FAM222A: variants seen among roughly 807,000 people sequenced by gnomAD.
The protein encoded by FAM222A is family with sequence similarity 222 member A.
Under a neutral mutation model 25.8 loss-of-function variants are expected in FAM222A, and 7 were observed. The observed-to-expected ratio is 0.27, with a 90% CI of 0.15 to 0.51. FAM222A has a LOEUF of 0.51. FAM222A is among the 20% of genes least tolerant of loss of function. The pLI, the probability that FAM222A is intolerant of heterozygous loss-of-function variation, is 0.97. For missense variants in FAM222A, 573 were observed against 640.5 expected, an observed-to-expected ratio of 0.89 and a Z score of 1.14; for synonymous variants, 294 against 298.8, an observed-to-expected ratio of 0.98 and a Z score of 0.17.
chr12:109,740,698 C>T (rs1888216206), intron 1 of FAM222A, among the ~76,000 whole-genome samples: 2 of 152,182 alleles, frequency 1.3e-5, no homozygotes, highest in South Asian at 2.1e-4. Context: ...TTCATTGATT[C>T]GGCCATTCAT....
chr12:109,756,445 T>C (rs1888734029), intron 2 of FAM222A, among the ~76,000 whole-genome samples: 1 of 150,926 alleles, frequency 6.6e-6, no homozygotes, highest in South Asian at 2.1e-4. Context: ...TAGTACAATA[T>C]TGAATAGGAG....
chr12:109,739,783 C>T (rs1249507421), intron 1 of FAM222A, among the ~76,000 whole-genome samples: 2 of 152,218 alleles, frequency 1.3e-5, no homozygotes, highest in Non-Finnish European at 2.9e-5. Flanking sequence ...CTGGCATTGG[C>T]ATCCTTGGGC....
At chr12:109,762,512 C>T (rs896607320) in intron 2 of FAM222A, among the ~76,000 whole-genome samples, 2 of 152,240 alleles carry the variant, frequency 1.3e-5, no homozygotes, top group Non-Finnish European at 2.9e-5. Flanking sequence ...GCCCCCTCCC[C>T]ACCATCCTTG....
intron 1 of FAM222A, among the ~76,000 whole-genome samples, chr12:109,739,655 C>A (rs1888182007): frequency 6.6e-6 from 1 of 152,180 alleles, no homozygotes; most frequent in African/African-American, 2.4e-5. Context: ...TGGATTTGGG[C>A]CCTGGGGAGA....
chr12:109,714,219 TGCC>T lies in FAM222A; in HGVS notation c.-716_-714del. On this transcript the variant is annotated 5_prime_UTR_variant, in exon 1 of 3. Transcript: ENST00000538780. This position sits in a 1 kb window ranked among gnomAD's most constrained non-coding sequence, Gnocchi z 4.2. ...CGCCCGCTGCCGCCGCCGCCGCCGC[TGCC>T]GCCGCCGCTGTTCGCCGGCTTCCCC... is the stretch of plus-strand genomic sequence containing the variant. 16 of 184,578 alleles carry T rather than the reference TGCC, an allele frequency of 8.7e-5. No individual in the cohort carries two copies. The highest frequency in any genetic ancestry group is 2.4e-4 in the South Asian group (4 of 16,474). The allele number at this position is 184,578 out of a possible 1,614,324, so 11.4% of individuals were successfully genotyped here.
At position 109,769,295 on chromosome 12, in the gene FAM222A, C is replaced by T. The variant is rs554087178; in HGVS notation, c.*7C>T. ...CCTACCCGTCTACAGATAAGGCCTG[C>T]CCTGCGGACATACGGACATGCGGAC... is the stretch of plus-strand genomic sequence containing the variant. On this transcript the variant is annotated 3_prime_UTR_variant, in exon 3 of 3. Coordinates refer to ENST00000538780, the MANE Select transcript of FAM222A (RefSeq NM_032829.3). 5 of 1,603,048 alleles carry T rather than the reference C, an allele frequency of 3.1e-6. No individual in the cohort carries two copies. In the South Asian group the frequency reaches 4.5e-5, roughly 14 times the overall value.
chr12:109,765,102 C>T (rs1313805546), intron 2 of FAM222A, among the ~76,000 whole-genome samples: 1 of 152,246 alleles, frequency 6.6e-6, no homozygotes, highest in Non-Finnish European at 1.5e-5. Context: ...CCCACTGAAG[C>T]TCATTTGCCT....
chr12:109,714,685 A>AACGGAGACCTCC lies in FAM222A; in HGVS notation c.-258_-247dup, dbSNP rs1887608551. On this transcript the variant is annotated 5_prime_UTR_variant, in exon 1 of 3. Transcript: ENST00000538780. This position sits in a 1 kb window ranked among gnomAD's most constrained non-coding sequence, Gnocchi z 4.2. Reference sequence around the variant, plus strand: ...TCCGGGGCGGGCGTGACCCCTGCTGAACGGAGACCTCCCCTCCCCCCCGAC... The same window carrying AACGGAGACCTCC: ...TCCGGGGCGGGCGTGACCCCTGCTGAACGGAGACCTCCACGGAGACCTCCCCTCCCCCCCGAC... The AACGGAGACCTCC allele has an allele frequency of 6.6e-6, 1 of 151,750 alleles. No homozygotes were observed. 9.4% of individuals were successfully genotyped at this position (151,750 alleles called of 1,614,324 possible). A position where few individuals can be genotyped will look rare whatever the true frequency, so the allele number is the denominator to read the frequency against.
At chr12:109,759,839 C>T (rs1357875149) in intron 2 of FAM222A, among the ~76,000 whole-genome samples, 2 of 152,346 alleles carry the variant, frequency 1.3e-5, no homozygotes, top group Non-Finnish European at 1.5e-5. Flanking sequence ...GCTTTCCAAG[C>T]ACCTTCGGTG....
chr12:109,761,122 CA>C (rs1888879617), intron 2 of FAM222A, among the ~76,000 whole-genome samples: 1 of 152,170 alleles, frequency 6.6e-6, no homozygotes, highest in Non-Finnish European at 1.5e-5. Context: ...CAGAGAGGGA[CA>C]GTGGTGTGCC....
chr12:109,717,516 G>T (rs1311199753), intron 1 of FAM222A, among the ~76,000 whole-genome samples: 1 of 152,216 alleles, frequency 6.6e-6, no homozygotes, highest in African/African-American at 2.4e-5. Context: ...GAATGTGCCA[G>T]ACAGGAGTGA....
In FAM222A at chr12:109,764,610, A is replaced by G. The variant is rs544431465; in HGVS notation, c.83-3402A>G. Among the ~76,000 whole-genome samples the G allele has an allele frequency of 7.1e-4, 108 of 152,254 alleles. 2 individuals are homozygous for G. The highest frequency in any genetic ancestry group is 2.9e-3 in the Admixed American group (44 of 15,284). On this transcript the variant is annotated intron_variant, in intron 2 of 2. Coordinates refer to ENST00000538780, the MANE Select transcript of FAM222A (RefSeq NM_032829.3). ...TGCTTGGGAAGAGAGTTTAAGAGGA[A>G]CAAAAATACATACAGATATAATTTT...
chr12:109,753,374 C>T (rs1888613519), intron 2 of FAM222A, among the ~76,000 whole-genome samples: 1 of 152,192 alleles, frequency 6.6e-6, no homozygotes, highest in Non-Finnish European at 1.5e-5. Flanking sequence ...CCCTAGGGCA[C>T]AGGCTTTGGG....
At position 109,757,956 on chromosome 12, in the gene FAM222A, C is replaced by A. The variant is rs545255417; in HGVS notation, c.83-10056C>A. Reference sequence around the variant, plus strand: ...GTGCAGGCAGAGAGTAAGGTGTGGGCTCCCAAAGACAGAGCCCAGCTAGGG... The same window carrying A: ...GTGCAGGCAGAGAGTAAGGTGTGGGATCCCAAAGACAGAGCCCAGCTAGGG... On this transcript the variant is annotated intron_variant, in intron 2 of 2. Transcript: ENST00000538780. Among the ~76,000 whole-genome samples, 14 of 152,302 alleles carry A rather than the reference C, an allele frequency of 9.2e-5. No homozygotes were observed. In the South Asian group the frequency reaches 2.9e-3, roughly 32 times the overall value.
At chr12:109,746,079 T>C (rs1353948042) in intron 2 of FAM222A, among the ~76,000 whole-genome samples, 4 of 152,218 alleles carry the variant, frequency 2.6e-5, no homozygotes, top group South Asian at 2.1e-4. Flanking sequence ...GTGAGACTTA[T>C]CAGTATTTCC....
At chr12:109,736,591 C>T (rs1888093865) in intron 1 of FAM222A, among the ~76,000 whole-genome samples, 1 of 152,174 alleles carries the variant, frequency 6.6e-6, no homozygotes, top group Non-Finnish European at 1.5e-5. Flanking sequence ...CGCTTGTCTC[C>T]CTGCCTTGTA....
intron 1 of FAM222A, among the ~76,000 whole-genome samples, chr12:109,733,397 A>G (rs1887994097): frequency 6.6e-6 from 1 of 151,628 alleles, no homozygotes; most frequent in Middle Eastern, 3.2e-3. Context: ...TGAGGCTCCC[A>G]TTATTACATT....
intron 2 of FAM222A, among the ~76,000 whole-genome samples, chr12:109,752,511 A>G (rs1037725580): frequency 3.3e-5 from 5 of 152,222 alleles, no homozygotes; most frequent in Non-Finnish European, 7.3e-5. Flanking sequence ...CAGGACAGGA[A>G]GGGCTTTGTG....
intron 1 of FAM222A, among the ~76,000 whole-genome samples, chr12:109,720,593 G>A (rs1315589898): frequency 2.0e-5 from 3 of 152,234 alleles, no homozygotes; most frequent in Non-Finnish European, 4.4e-5. Context: ...GTGAGGTTTG[G>A]CAGTAACCGA....
Sources: allele counts gnomAD v4.1 joint callset (sites outside exome capture counted in the v4.1 genomes callset), GRCh38; gene constraint gnomAD v4.1.1; non-coding constraint Gnocchi (gnomAD v3.1); transcripts MANE v1.5; gene names NCBI Gene and HGNC (gene_info 2026-07-23, HGNC 2026-07-21).